The following TENM1 variants were observed in gnomAD, a reference collection of about 807,000 sequenced individuals.
The protein encoded by TENM1 is teneurin transmembrane protein 1, also known as teneurin-1.
Under a neutral mutation model 174.8 loss-of-function variants are expected in TENM1, and 35 were observed. The observed-to-expected ratio is 0.20, with a 90% confidence interval of 0.15 to 0.27. The LOEUF (loss-of-function observed/expected upper bound fraction) is 0.27, where lower values mean the gene tolerates loss of function less well. TENM1 is among the 10% of genes least tolerant of loss of function. The pLI is 1.00. For missense variants in TENM1, 1,633 were observed against 2,130.1 expected (o/e 0.77, Z 4.59); for synonymous variants, 781 against 798.7 (o/e 0.98, Z 0.37).
the TENM1 span, among the ~76,000 whole-genome samples, chrX:125,200,289 T>A: frequency 3.6e-5 from 4 of 111,842 alleles, no homozygotes; most frequent in East Asian, 8.4e-4. Flanking sequence ...ACTCAGAAGC[T>A]GTAGAAGATT....
chrX:124,755,503 T>G (rs1351859554), intron 3 of TENM1, among the ~76,000 whole-genome samples: 1 of 110,944 alleles, frequency 9.0e-6, no homozygotes, highest in African/African-American at 3.3e-5. Flanking sequence ...AAGTTAATAT[T>G]GTTATGTGTG....
intron 1 of TENM1, among the ~76,000 whole-genome samples, chrX:124,937,370 T>C (rs1231578884): frequency 1.8e-5 from 2 of 111,707 alleles, no homozygotes. Context: ...ACATAGAGGA[T>C]AGGGTCCATA....
chrX:125,092,314 C>A, the TENM1 span, among the ~76,000 whole-genome samples: 4 of 111,586 alleles, frequency 3.6e-5, no homozygotes, highest in African/African-American at 1.3e-4. Flanking sequence ...GGGAAAGGTT[C>A]TGTTAAACTT....
rs181765931 is a variant in TENM1, at chrX:124,939,429, C to T, written c.217+24108G>A. On this transcript the variant is annotated intron_variant, in intron 1 of 31. Transcript: ENST00000422452. ...TGACCTATCTTATCAGTCGAACCTC[C>T]AAGAAGTTTTACCTTGGTTTCCACT... Among the ~76,000 whole-genome samples, 50 of 111,464 alleles carry T rather than the reference C, an allele frequency of 4.5e-4. 1 individual carries two copies. The highest frequency in any genetic ancestry group is 8.1e-4 in the Non-Finnish European group (43 of 53,030).
chrX:124,736,723 C>T (rs1034471839), intron 4 of TENM1, among the ~76,000 whole-genome samples: 1 of 111,928 alleles, frequency 8.9e-6, no homozygotes, highest in Non-Finnish European at 1.9e-5. Flanking sequence ...GCGGCTTCAT[C>T]TTTTCACGTG....
At chrX:125,005,320 T>C in the TENM1 span, among the ~76,000 whole-genome samples, 1 of 108,389 alleles carries the variant, frequency 9.2e-6, no homozygotes, top group Non-Finnish European at 1.9e-5. Flanking sequence ...TCTAATAAAC[T>C]ATTATGCATT....
intron 25 of TENM1, among the ~76,000 whole-genome samples, chrX:124,417,130 C>T (rs2060602503): frequency 8.9e-6 from 1 of 112,335 alleles, no homozygotes; most frequent in Non-Finnish European, 1.9e-5. Context: ...ATTCCACTCT[C>T]CTAGTTTTCT....
intron 3 of TENM1, among the ~76,000 whole-genome samples, chrX:124,886,540 TATATATATAGAGAG>T (rs1330165855): frequency 2.2e-5 from 2 of 90,931 alleles, no homozygotes; most frequent in African/African-American, 8.5e-5. Flanking sequence ...TATATATATA[TATATATATAGAGAG>T]AGAGAGAGAG....
chrX:125,032,630 C>T, the TENM1 span, among the ~76,000 whole-genome samples: 1 of 111,420 alleles, frequency 9.0e-6, no homozygotes, highest in Non-Finnish European at 1.9e-5. Flanking sequence ...TGTACTATCC[C>T]CCAGACAGTT....
the TENM1 span, among the ~76,000 whole-genome samples, chrX:125,061,795 T>G: frequency 9.0e-6 from 1 of 111,423 alleles, no homozygotes; most frequent in Admixed American, 9.5e-5. Flanking sequence ...TCTCAGCTAC[T>G]TGGGAGACTG....
At chrX:124,391,949 C>A in intron 28 of TENM1, 103 bp downstream of exon 31, 1 of 648,018 alleles carries the variant, frequency 1.5e-6, no homozygotes. Context: ...AGCTGGAACA[C>A]AGACTTTTCT....
chrX:124,472,366 C>A (rs1603280182), intron 22 of TENM1, among the ~76,000 whole-genome samples: 2 of 78,469 alleles, frequency 2.5e-5, no homozygotes, highest in Non-Finnish European at 4.8e-5. Context: ...AAGCGGCTGA[C>A]TATGAGGTAC....
chrX:124,575,024 CACG>C (rs1379101311), intron 11 of TENM1, among the ~76,000 whole-genome samples: 2 of 112,142 alleles, frequency 1.8e-5, no homozygotes, highest in Non-Finnish European at 3.8e-5. Context: ...CAGTAGAACA[CACG>C]TGCACACATG....
chrX:124,541,821 C>T (rs1272864086), intron 15 of TENM1, among the ~76,000 whole-genome samples: 1 of 112,166 alleles, frequency 8.9e-6, no homozygotes, highest in African/African-American at 3.2e-5. Context: ...ATGTCCTTCC[C>T]CTTGAATCTA....
At chrX:124,963,702 C>T (rs773914565) in exon 1 of TENM1, 33 of 1,211,756 alleles carry the variant, frequency 2.7e-5, no homozygotes, top group Non-Finnish European at 3.6e-5. Flanking sequence ...AGATCCATTT[C>T]ATGCTTGACT....
At chrX:125,168,992 G>GT in the TENM1 span, among the ~76,000 whole-genome samples, 6,497 of 110,417 alleles carry the variant, frequency 0.059, 508 homozygotes, top group African/African-American at 0.2. Context: ...GTGTGTGTGT[G>GT]GGTGTGTGTG....
the TENM1 span, among the ~76,000 whole-genome samples, chrX:125,193,578 T>C: frequency 1.8e-5 from 2 of 111,435 alleles, no homozygotes; most frequent in Non-Finnish European, 3.8e-5. Flanking sequence ...TTAGGTCATA[T>C]GCAAATATTA....
intron 3 of TENM1, among the ~76,000 whole-genome samples, chrX:124,742,395 T>A (rs1319729815): frequency 9.0e-6 from 1 of 111,064 alleles, no homozygotes; most frequent in African/African-American, 3.3e-5. Context: ...GAGTTTGTTT[T>A]CCCCTAACTC....
the TENM1 span, among the ~76,000 whole-genome samples, chrX:124,977,961 TGTGTGTGAGA>T: frequency 4.2e-3 from 229 of 54,309 alleles, no homozygotes; most frequent in East Asian, 0.019. Flanking sequence ...TGTGTGTGTG[TGTGTGTGAGA>T]GAGAGAGAGA....
Sources: allele counts gnomAD v4.1 joint callset (sites outside exome capture counted in the v4.1 genomes callset), GRCh38; gene constraint gnomAD v4.1.1; transcripts MANE v1.5; gene names NCBI Gene and HGNC (gene_info 2026-07-23, HGNC 2026-07-21).